KIAA0753: variants seen among roughly 807,000 people sequenced by gnomAD.
KIAA0753 encodes the protein protein moonraker.
KIAA0753 carries 114 observed loss-of-function variants against 116.9 expected under a neutral mutation model. The ratio of observed to expected loss-of-function variants is 0.98; its 90% CI spans 0.84 to 1.14. KIAA0753 has a LOEUF of 1.14. KIAA0753 is among the 50% of genes most tolerant of loss of function. The pLI, the probability that KIAA0753 is intolerant of heterozygous loss-of-function variation, is 0.00. For synonymous variants in KIAA0753, 405 were observed against 413.1 expected (o/e 0.98, Z 0.24); for missense variants, 1,156 against 1,172.4 (o/e 0.99, Z 0.20).
chr17:6,631,592 GAGAA>G (rs1411968719), intron 2 of KIAA0753, among the ~76,000 whole-genome samples: 8 of 152,114 alleles, frequency 5.3e-5, no homozygotes, highest in East Asian at 1.9e-4. Flanking sequence ...AGGAAGGGAA[GAGAA>G]AGAAAGAAAC....
rs745607486 is a variant in KIAA0753, at chr17:6,623,558, T to A, written c.839A>T (p.Gln280Leu). The A allele has an allele frequency of 6.2e-7, 1 of 1,610,720 alleles. No homozygotes were observed. Among genetic ancestry groups the A allele is most frequent in the Non-Finnish European group, 8.5e-7 (1 of 1,178,356 alleles). ...YVLQQQVKEIQEELDKLSPHK... is the reference protein window; with the variant it reads ...YVLQQQVKEILEELDKLSPHK... ...TGGACTCAATTTATCCAATTCTTCCTGGATTTCTTTTACCTGTTTTGTAAA... is the reference window on the plus strand; with the variant it reads ...TGGACTCAATTTATCCAATTCTTCCAGGATTTCTTTTACCTGTTTTGTAAA... The change falls in exon 5 of 19, where the codon CAG becomes CTG. Residue 280 changes from glutamine to leucine, a missense_variant. By Grantham distance (113) the Gln-to-Leu change is moderately radical (BLOSUM62 -2). Transcript: ENST00000361413.
intron 16 of KIAA0753, among the ~76,000 whole-genome samples, chr17:6,591,106 A>G (rs1371587526): frequency 6.7e-6 from 1 of 149,118 alleles, no homozygotes; most frequent in Non-Finnish European, 1.5e-5. Flanking sequence ...AAGAAGAAGA[A>G]GAAAACACTC....
At chr17:6,621,636 G>A (rs1243063295) in intron 6 of KIAA0753, among the ~76,000 whole-genome samples, 1 of 152,148 alleles carries the variant, frequency 6.6e-6, no homozygotes, top group Non-Finnish European at 1.5e-5. Flanking sequence ...AGGGCCACAA[G>A]AGGAAAAATA....
chr17:6,627,420 C>T (rs1159853150), intron 3 of KIAA0753, among the ~76,000 whole-genome samples: 1 of 151,984 alleles, frequency 6.6e-6, no homozygotes, highest in Non-Finnish European at 1.5e-5. Context: ...TATGTACTAC[C>T]CTAGTGCAAC....
At chr17:6,623,624 T>C (rs534881824) in intron 4 of KIAA0753, 53 bp from the exon 5 acceptor site, 2 of 1,577,146 alleles carry the variant, frequency 1.3e-6, no homozygotes, top group African/African-American at 1.4e-5. Flanking sequence ...TTGATCTTTT[T>C]TGTAGAAAAG....
Position 6,639,371 on chromosome 17 carries a change from C to G in KIAA0753, c.-69+1266G>C, listed in dbSNP as rs2150939349. The G allele has an allele frequency of 6.5e-6, 1 of 152,930 alleles. No homozygotes were observed. Among genetic ancestry groups the G allele is most frequent in the East Asian group, 1.9e-4 (1 of 5,192 alleles). The allele number at this position is 152,930 out of a possible 1,614,324, so 9.5% of individuals were successfully genotyped here. On this transcript the variant is annotated intron_variant, in intron 1 of 18. Coordinates refer to ENST00000361413, the MANE Select transcript of KIAA0753 (RefSeq NM_014804.3). This position sits in a 1 kb window ranked among gnomAD's most constrained non-coding sequence, Gnocchi z 4.3. ...GCTCCCACAGCCCCAGTCCACCCCA[C>G]GGTCCCAGGCTCGCCCATAGTCTGT...
intron 1 of KIAA0753, chr17:6,638,150 C>T (rs982458141): frequency 2.6e-5 from 4 of 153,084 alleles, no homozygotes; most frequent in Admixed American, 6.5e-5. Flanking sequence ...TCCCGAGCCA[C>T]GTGTCCCCCT....
chr17:6,610,311 G>A, intron 8 of KIAA0753, 151 bp from the exon 9 acceptor site: 1 of 669,464 alleles, frequency 1.5e-6, no homozygotes, highest in Non-Finnish European at 2.3e-6. Flanking sequence ...GAAATTTGGG[G>A]GAGGGTGTAA....
intron 7 of KIAA0753, 49 bp downstream of exon 7, chr17:6,620,739 T>C (rs1159512999): frequency 4.5e-6 from 7 of 1,572,628 alleles, no homozygotes; most frequent in Non-Finnish European, 5.3e-6. Context: ...ATAGCCCAGA[T>C]AATTGTAATG....
intron 1 of KIAA0753, 25 bp downstream of exon 1, chr17:6,640,612 C>T (rs1031234940): frequency 3.3e-5 from 5 of 153,348 alleles, no homozygotes; most frequent in African/African-American, 1.2e-4. Flanking sequence ...TCCCAGAATC[C>T]CCCCCAGCCC....
chr17:6,623,299 C>A lies in KIAA0753; in HGVS notation c.889-202G>T, dbSNP rs559562202. Among the ~76,000 whole-genome samples the A allele has an allele frequency of 5.9e-5, 9 of 152,082 alleles. No individual in the cohort carries two copies. The East Asian group carries it at 1.2e-3, about 20-fold the overall frequency. On this transcript the variant is annotated intron_variant, in intron 5 of 18. Coordinates refer to ENST00000361413, the MANE Select transcript of KIAA0753 (RefSeq NM_014804.3). ...CCTTACTACTTCCAATTTTTTATAC[C>A]AGCAGCAACAACAACAAAAATCTAT...
At chr17:6,603,778 C>T (rs186723827) in intron 12 of KIAA0753, among the ~76,000 whole-genome samples, 22 of 152,304 alleles carry the variant, frequency 1.4e-4, no homozygotes, top group Non-Finnish European at 1.5e-5. Context: ...CAAATAAAGT[C>T]TGCTCTCTCT....
Position 6,579,775 on chromosome 17 carries a change from G to C in KIAA0753, c.2876C>G (p.Thr959Ser). The C allele has an allele frequency of 6.8e-6, 11 of 1,613,734 alleles. No homozygotes were observed. Among genetic ancestry groups the C allele is most frequent in the Non-Finnish European group, 9.3e-6 (11 of 1,179,888 alleles). Residue 959 changes from threonine to serine, a missense_variant, in exon 19 of 19, where the codon ACC becomes AGC. Physicochemically the swap from Thr to Ser is moderately conservative, Grantham distance 58. Coordinates refer to ENST00000361413, the MANE Select transcript of KIAA0753 (RefSeq NM_014804.3). The part of the protein sequence containing the change: ...MCEDYAEAVF[T>S]SEFLEAAT ...TGTAGCAGCCTCTAAGAATTCTGAG[G>C]TGAACACAGCTTCTGCATAATCTTC...
chr17:6,636,092 C>T (rs903369234), intron 1 of KIAA0753: 2 of 152,050 alleles, frequency 1.3e-5, no homozygotes, highest in Non-Finnish European at 2.9e-5. Context: ...TCAAAAAATC[C>T]TACAGTAAAT....
At chr17:6,619,136 G>A (rs1195751543) in intron 7 of KIAA0753, among the ~76,000 whole-genome samples, 2 of 152,052 alleles carry the variant, frequency 1.3e-5, no homozygotes, top group African/African-American at 4.8e-5. Flanking sequence ...GGCTGAGGCA[G>A]GAGAATTGCT....
intron 1 of KIAA0753, chr17:6,640,097 G>C (rs1972567351): frequency 1.3e-5 from 2 of 152,810 alleles, no homozygotes; most frequent in Admixed American, 6.5e-5. Flanking sequence ...TGACGGCCCT[G>C]TGGCCTTTCT....
At chr17:6,591,033 GGAAGAAGGAAGAA>G (rs1567540383) in intron 16 of KIAA0753, among the ~76,000 whole-genome samples, 23 of 90,636 alleles carry the variant, frequency 2.5e-4, no homozygotes, top group Admixed American at 8.6e-4. Context: ...GAAGGAAGAA[GGAAGAAGGAAGAA>G]GAAGAAGAAG....
chr17:6,603,603 G>A (rs1567554767), intron 12 of KIAA0753, among the ~76,000 whole-genome samples: 2 of 152,182 alleles, frequency 1.3e-5, no homozygotes, highest in Non-Finnish European at 2.9e-5. Flanking sequence ...AGGACTCGGA[G>A]AGAAGTAGAG....
At chr17:6,631,763 A>T (rs1484180279) in intron 2 of KIAA0753, among the ~76,000 whole-genome samples, 3 of 152,238 alleles carry the variant, frequency 2.0e-5, no homozygotes, top group Non-Finnish European at 1.5e-5. Context: ...ATCAAGGAGC[A>T]CATCCAGCCC....
Sources: gnomAD v4.1 joint callset for allele counts (sites outside exome capture counted in the v4.1 genomes callset) on GRCh38, gnomAD v4.1.1 for gene constraint, Gnocchi (gnomAD v3.1) non-coding constraint, MANE v1.5 for transcripts, NCBI Gene and HGNC (gene_info 2026-07-23, HGNC 2026-07-21) for gene names.